Variants in SDK1 observed in about 807,000 individuals in gnomAD.
The protein encoded by SDK1 is sidekick cell adhesion molecule 1, also known as protein sidekick-1.
Under a neutral mutation model 245.5 loss-of-function variants are expected in SDK1, and 157 were observed. That is an observed-to-expected ratio of 0.64 (90% CI 0.56 to 0.73). The LOEUF (loss-of-function observed/expected upper bound fraction) is 0.73. Among genes scored for constraint, SDK1 ranks in the 30% least tolerant of loss-of-function variants. The probability of loss-of-function intolerance (pLI) is 0.00; values close to 1 mark genes in which losing one functional copy is unlikely to be tolerated. For synonymous variants in SDK1, 1,647 were observed against 1,278.5 expected (o/e 1.29, Z -6.15); for missense variants, 3,583 against 3,002.3 (o/e 1.19, Z -4.52).
intron 1 of SDK1, among the ~76,000 whole-genome samples, chr7:3,482,137 G>C (rs1017812361): frequency 6.6e-6 from 1 of 152,112 alleles, no homozygotes; most frequent in African/African-American, 2.4e-5. Flanking sequence ...GGGTAATACT[G>C]GTGTGTAAAA....
intron 12 of SDK1, among the ~76,000 whole-genome samples, chr7:3,973,770 G>A (rs1360710731): frequency 6.6e-6 from 1 of 152,106 alleles, no homozygotes; most frequent in African/African-American, 2.4e-5. Flanking sequence ...GACAGGCAGG[G>A]CCAGTCATTT....
chr7:3,424,803 A>G (rs1779632204), intron 1 of SDK1, among the ~76,000 whole-genome samples: 1 of 152,146 alleles, frequency 6.6e-6, no homozygotes, highest in Non-Finnish European at 1.5e-5. Context: ...AGACTGAGGC[A>G]TGAGGATCCC....
chr7:3,878,816 G>C (rs964038320), intron 5 of SDK1, among the ~76,000 whole-genome samples: 2 of 151,892 alleles, frequency 1.3e-5, no homozygotes, highest in South Asian at 4.2e-4. Flanking sequence ...CCTAATATCA[G>C]GGCAGCCCTG....
intron 4 of SDK1, among the ~76,000 whole-genome samples, chr7:3,820,221 C>G (rs1246958700): frequency 6.6e-6 from 1 of 152,200 alleles, no homozygotes; most frequent in Non-Finnish European, 1.5e-5. Context: ...GTGATCTCAG[C>G]TCACTTCAGC....
At chr7:4,182,164 T>C (rs1396665427) in intron 35 of SDK1, among the ~76,000 whole-genome samples, 1 of 152,152 alleles carries the variant, frequency 6.6e-6, no homozygotes, top group Admixed American at 6.5e-5. Flanking sequence ...CACAGTCTGC[T>C]CACCTTGGCC....
At chr7:3,746,631 T>A (rs1442363307) in intron 4 of SDK1, among the ~76,000 whole-genome samples, 1 of 152,236 alleles carries the variant, frequency 6.6e-6, no homozygotes, top group African/African-American at 2.4e-5. Context: ...GGTTCCATCT[T>A]AACACATCAT....
chr7:3,498,757 C>T (rs1285626800), intron 1 of SDK1, among the ~76,000 whole-genome samples: 1 of 151,098 alleles, frequency 6.6e-6, no homozygotes, highest in Non-Finnish European at 1.5e-5. Context: ...CCCTTTACTC[C>T]CTCCATATAC....
chr7:3,800,265 G>A (rs1185827714), intron 4 of SDK1, among the ~76,000 whole-genome samples: 4 of 152,110 alleles, frequency 2.6e-5, no homozygotes, highest in African/African-American at 9.7e-5. Flanking sequence ...TGGAGTAATG[G>A]CATGTAAGGA....
intron 1 of SDK1, among the ~76,000 whole-genome samples, chr7:3,565,177 C>T (rs1779871264): frequency 6.6e-6 from 1 of 151,946 alleles, no homozygotes; most frequent in African/African-American, 2.4e-5. Context: ...GCAAACACAT[C>T]TCTCCAGTCT....
In SDK1 at chr7:3,402,036, A is replaced by C. The variant is rs143900845; in HGVS notation, c.298+100152A>C. Reference sequence around the variant, plus strand: ...CTATTGTGGGAGATATAAAAGAAGCACAAAACTGGATCCTGTCCTCATGGA... The same window carrying C: ...CTATTGTGGGAGATATAAAAGAAGCCCAAAACTGGATCCTGTCCTCATGGA... On this transcript the variant is annotated intron_variant, in intron 1 of 44. Transcript: ENST00000404826. 3.9e-5 allele frequency among the ~76,000 whole-genome samples: 6 copies of C among 152,308 alleles called. No homozygotes were observed. The East Asian group carries it at 1.2e-3, about 29-fold the overall frequency.
intron 28 of SDK1, among the ~76,000 whole-genome samples, chr7:4,132,844 G>A (rs1289476340): frequency 6.6e-6 from 1 of 152,228 alleles, no homozygotes; most frequent in Non-Finnish European, 1.5e-5. Context: ...GTCTCCAGCA[G>A]CCTAGCATTT....
At chr7:3,768,854 C>T (rs1379999399) in intron 4 of SDK1, among the ~76,000 whole-genome samples, 1 of 152,186 alleles carries the variant, frequency 6.6e-6, no homozygotes, top group African/African-American at 2.4e-5. Context: ...TTCAGTTTTC[C>T]TTCCCCACTC....
chr7:4,191,607 C>T (rs1783212049), intron 35 of SDK1, among the ~76,000 whole-genome samples: 1 of 152,262 alleles, frequency 6.6e-6, no homozygotes, highest in Non-Finnish European at 1.5e-5. Flanking sequence ...CGGGCCTGCC[C>T]TTCAGCTGCT....
At chr7:3,851,772 G>T (rs1780425214) in intron 5 of SDK1, among the ~76,000 whole-genome samples, 1 of 152,164 alleles carries the variant, frequency 6.6e-6, no homozygotes, top group African/African-American at 2.4e-5. Flanking sequence ...CTTTGGAAAA[G>T]AATTGGACAT....
chr7:3,574,759 A>G (rs1298072456), intron 1 of SDK1, among the ~76,000 whole-genome samples: 2 of 152,260 alleles, frequency 1.3e-5, no homozygotes, highest in Non-Finnish European at 1.5e-5. Flanking sequence ...AAGTTACGAA[A>G]CAAACCAACT....
chr7:4,053,913 T>G (rs932484955), intron 19 of SDK1, among the ~76,000 whole-genome samples: 22 of 152,060 alleles, frequency 1.4e-4, no homozygotes, highest in African/African-American at 5.3e-4. Flanking sequence ...TTTTTTGTTG[T>G]TGTTGGTGGT....
intron 34 of SDK1, among the ~76,000 whole-genome samples, chr7:4,178,028 C>G (rs544495190): frequency 6.6e-6 from 1 of 152,212 alleles, no homozygotes; most frequent in Non-Finnish European, 1.5e-5. Flanking sequence ...GTTTGCACTT[C>G]TGTGAGAGTC....
intron 1 of SDK1, among the ~76,000 whole-genome samples, chr7:3,493,551 C>T (rs1333944830): frequency 1.3e-5 from 2 of 152,136 alleles, no homozygotes; most frequent in African/African-American, 4.8e-5. Flanking sequence ...ATAAAACAGT[C>T]AGTAGTAATC....
intron 44 of SDK1, among the ~76,000 whole-genome samples, chr7:4,248,053 A>G (rs1787009294): frequency 6.6e-6 from 1 of 152,138 alleles, no homozygotes; most frequent in African/African-American, 2.4e-5. Flanking sequence ...TCTCCCCCCA[A>G]CATATGTGGC....
Sources: gnomAD v4.1 joint callset for allele counts (sites outside exome capture counted in the v4.1 genomes callset) on GRCh38, gnomAD v4.1.1 for gene constraint, MANE v1.5 for transcripts, NCBI Gene and HGNC (gene_info 2026-07-23, HGNC 2026-07-21) for gene names.